Variants in SLC7A1 observed in about 807,000 individuals in gnomAD.
SLC7A1 encodes high affinity cationic amino acid transporter 1.
Under a neutral mutation model 53.9 loss-of-function variants are expected in SLC7A1, and 10 were observed. That is an observed-to-expected ratio of 0.19 (90% CI 0.11 to 0.31). SLC7A1 has a LOEUF of 0.31. Ranked by LOEUF, SLC7A1 falls within the 10% of genes least tolerant of loss-of-function variation. The pLI is 1.00. For missense variants in SLC7A1, 525 were observed against 827.2 expected (o/e 0.63, Z 4.48); for synonymous variants, 342 against 338.7 (o/e 1.01, Z -0.11).
At chr13:29,594,273 T>G (rs1330041022) in intron 1 of SLC7A1, among the ~76,000 whole-genome samples, 1 of 152,270 alleles carries the variant, frequency 6.6e-6, no homozygotes, top group Non-Finnish European at 1.5e-5. Context: ...AAAAGGCACA[T>G]TCTTTAGGGA....
chr13:29,576,536 T>A (rs1383339419), intron 1 of SLC7A1, among the ~76,000 whole-genome samples: 1 of 152,080 alleles, frequency 6.6e-6, no homozygotes, highest in East Asian at 1.9e-4. Context: ...AAATCAAACC[T>A]ATACTTGGTG....
intron 5 of SLC7A1, among the ~76,000 whole-genome samples, chr13:29,526,615 G>A (rs1868904855): frequency 6.6e-6 from 1 of 152,258 alleles, no homozygotes; most frequent in African/African-American, 2.4e-5. Flanking sequence ...TTCAGGGCAA[G>A]TGGAAAGTGC....
At chr13:29,540,768 A>G (rs1869629791) in intron 2 of SLC7A1, among the ~76,000 whole-genome samples, 2 of 152,152 alleles carry the variant, frequency 1.3e-5, no homozygotes, top group Admixed American at 1.3e-4. Context: ...TTCTCCAGGC[A>G]CCTGGTGGGA....
At chr13:29,594,423 G>A (rs1380166200) in intron 1 of SLC7A1, among the ~76,000 whole-genome samples, 1 of 152,190 alleles carries the variant, frequency 6.6e-6, no homozygotes, top group African/African-American at 2.4e-5. Flanking sequence ...GCACATGTCT[G>A]ACTATCCTAG....
In SLC7A1 at chr13:29,516,279, C is replaced by T. The variant is rs771863127; in HGVS notation, c.1678-33G>A. 44 of 1,390,858 alleles carry T rather than the reference C, an allele frequency of 3.2e-5. No individual in the cohort carries two copies. The Middle Eastern group carries it at 2.8e-3, about 89-fold the overall frequency. The allele number at this position is 1,390,858 out of a possible 1,614,324, so 86.2% of individuals were successfully genotyped here. ...GACAGGAGGTGGCTTCAATCCATGGCAGTGGCGCCGGTTCCAATAGTTCAG... is the reference window on the plus strand; with the variant it reads ...GACAGGAGGTGGCTTCAATCCATGGTAGTGGCGCCGGTTCCAATAGTTCAG... On this transcript the variant is annotated intron_variant, in intron 11 of 12. Transcript: ENST00000380752.
At chr13:29,519,241 A>AG (rs1396924140) in intron 9 of SLC7A1, among the ~76,000 whole-genome samples, 5 of 152,136 alleles carry the variant, frequency 3.3e-5, no homozygotes, top group Non-Finnish European at 7.3e-5. Context: ...CACATGATAG[A>AG]GGGGGGTGAG....
chr13:29,542,399 G>A (rs1306957818), intron 2 of SLC7A1, among the ~76,000 whole-genome samples: 1 of 152,146 alleles, frequency 6.6e-6, no homozygotes, highest in Non-Finnish European at 1.5e-5. Flanking sequence ...AGGTTACAGT[G>A]AGCCGAGATC....
intron 2 of SLC7A1, among the ~76,000 whole-genome samples, chr13:29,552,587 T>C (rs1352182048): frequency 6.6e-6 from 1 of 152,150 alleles, no homozygotes; most frequent in Admixed American, 6.5e-5. Context: ...CCACCGAGGA[T>C]GGAAAACCGC....
In SLC7A1 at chr13:29,517,790, C is replaced by A. The variant is rs1487595479; in HGVS notation, c.1293G>T (p.Arg431=). Residue 431 remains arginine, a splice_region_variant and synonymous_variant, in exon 10 of 13, where the codon CGG becomes CGT. Coordinates refer to ENST00000380752, the MANE Select transcript of SLC7A1 (RefSeq NM_003045.5). Reference sequence around the variant, plus strand: ...CCAGGTTAGGCTGCTCTGGCTGGTACCTGGGAAGAAAGGCATTGCGTGACC... The same window carrying A: ...CCAGGTTAGGCTGCTCTGGCTGGTAACTGGGAAGAAAGGCATTGCGTGACC... ...SLVAACVLVL[R]YQPEQPNLVY... 3 of 1,613,334 alleles carry A rather than the reference C, an allele frequency of 1.9e-6. No homozygotes were observed. The highest frequency in any genetic ancestry group is 2.5e-6 in the Non-Finnish European group (3 of 1,179,636).
chr13:29,561,901 A>G (rs569674706), intron 1 of SLC7A1, among the ~76,000 whole-genome samples: 1 of 152,336 alleles, frequency 6.6e-6, no homozygotes, highest in African/African-American at 2.4e-5. Context: ...GGTTTTCTGG[A>G]CCACAGAAAC....
At chr13:29,516,395 CCACACCCCACA>C (rs1883556493) in intron 11 of SLC7A1, 149 bp from the exon 12 acceptor site, 5 of 601,080 alleles carry the variant, frequency 8.3e-6, no homozygotes, top group Non-Finnish European at 1.5e-5. Flanking sequence ...ACCCCCACTC[CCACACCCCACA>C]CACAGCCCGC....
Position 29,528,103 on chromosome 13 carries a change from C to T in SLC7A1, c.704+2435G>A, listed in dbSNP as rs142479876. ...TGACTGGAGCTGGAGAAGCCGCCTT[C>T]AGCCCTGGGGCGCCTGGCCTGGATT... On this transcript the variant is annotated intron_variant, in intron 5 of 12. Transcript: ENST00000380752. 3.2e-3 allele frequency among the ~76,000 whole-genome samples: 490 copies of T among 152,360 alleles called. 2 individuals carry two copies. Among genetic ancestry groups the T allele is most frequent in the African/African-American group, 0.011 (463 of 41,586 alleles).
At chr13:29,589,765 C>T (rs478688) in intron 1 of SLC7A1, among the ~76,000 whole-genome samples, 5,920 of 152,178 alleles carry the variant, frequency 0.039, 367 homozygotes, top group African/African-American at 0.13. Context: ...AGGCCTATCC[C>T]GAGACAGGCT....
At chr13:29,519,409 T>C (rs757859958) in intron 9 of SLC7A1, 38 bp downstream of exon 9, 1 of 1,222,558 alleles carries the variant, frequency 8.2e-7, no homozygotes, top group South Asian at 1.2e-5. Flanking sequence ...CAGGTGCATC[T>C]GCATTTCTGT....
chr13:29,571,596 T>C (rs1871193650), intron 1 of SLC7A1, among the ~76,000 whole-genome samples: 2 of 152,248 alleles, frequency 1.3e-5, no homozygotes, highest in Non-Finnish European at 2.9e-5. Flanking sequence ...AGTTTGGCTT[T>C]TGGGCCAAAT....
intron 4 of SLC7A1, 88 bp downstream of exon 4, chr13:29,532,736 A>G: frequency 1.1e-5 from 13 of 1,181,078 alleles, no homozygotes; most frequent in Middle Eastern, 2.0e-4. Flanking sequence ...GGTTAAAGAG[A>G]TAAGTAAAGA....
chr13:29,554,481 G>C (rs1870343947), intron 1 of SLC7A1, among the ~76,000 whole-genome samples: 1 of 152,170 alleles, frequency 6.6e-6, no homozygotes, highest in African/African-American at 2.4e-5. Flanking sequence ...CCTTGGAATG[G>C]AATCGTGCTG....
chr13:29,525,558 G>A (rs919451719), intron 5 of SLC7A1, among the ~76,000 whole-genome samples: 5 of 152,224 alleles, frequency 3.3e-5, no homozygotes, highest in African/African-American at 1.2e-4. Flanking sequence ...CAGACAGACA[G>A]ACAGGATGGA....
intron 1 of SLC7A1, among the ~76,000 whole-genome samples, chr13:29,593,675 C>T (rs909691661): frequency 6.6e-6 from 1 of 152,064 alleles, no homozygotes; most frequent in Non-Finnish European, 1.5e-5. Context: ...TCAATCAACA[C>T]GTATTTAATT....
Sources: gnomAD v4.1 joint callset for allele counts (sites outside exome capture counted in the v4.1 genomes callset) on GRCh38, gnomAD v4.1.1 for gene constraint, MANE v1.5 for transcripts, NCBI Gene and HGNC (gene_info 2026-07-23, HGNC 2026-07-21) for gene names.